LETM1: variants seen among roughly 807,000 people sequenced by gnomAD.
The protein encoded by LETM1 is leucine zipper and EF-hand containing transmembrane protein 1.
In LETM1, 50 loss-of-function variants were observed where a neutral mutation model predicts 74.5. The ratio of observed to expected loss-of-function variants is 0.67; its 90% confidence interval spans 0.53 to 0.85. The LOEUF (loss-of-function observed/expected upper bound fraction) is 0.85. LETM1 is among the 40% of genes least tolerant of loss of function. The probability of loss-of-function intolerance (pLI) is 0.00; values close to 1 mark genes in which losing one functional copy is unlikely to be tolerated. For missense variants in LETM1, 824 were observed against 967.8 expected, an observed-to-expected ratio of 0.85 and a Z score of 1.97; for synonymous variants, 446 against 407.1, an observed-to-expected ratio of 1.10 and a Z score of -1.15.
In LETM1 at chr4:1,826,778, T is replaced by A. The variant is rs533083591; in HGVS notation, c.1081-1095A>T. On this transcript the variant is annotated intron_variant, in intron 6 of 13. Coordinates refer to ENST00000302787, the MANE Select transcript of LETM1 (RefSeq NM_012318.3). ...TCTGTCTGCTTTCTTCTCCCTGTCC[T>A]CCTGGGGGCTGGCTGGCCTCCGTTT... Among the ~76,000 whole-genome samples the A allele has an allele frequency of 2.0e-5, 3 of 152,400 alleles. No individual in the cohort carries two copies. The South Asian group carries it at 6.2e-4, about 32-fold the overall frequency.
chr4:1,838,639 C>T (rs2108849901), intron 3 of LETM1, among the ~76,000 whole-genome samples: 1 of 152,298 alleles, frequency 6.6e-6, no homozygotes, highest in South Asian at 2.1e-4. Flanking sequence ...GAGGTTGCAA[C>T]TGCACTCCAG....
rs773008845 is a variant in LETM1 at position 1,825,587 on chromosome 4, G to A, written c.1177C>T (p.Arg393Cys). 6 of 1,613,340 alleles carry A rather than the reference G, an allele frequency of 3.7e-6. No individual in the cohort carries two copies. The highest frequency in any genetic ancestry group is 1.3e-5 in the African/African-American group (1 of 74,930). Residue 393 changes from arginine to cysteine, a missense_variant, in exon 7 of 14, where the codon CGC (arginine) becomes TGC (cysteine). Coordinates refer to ENST00000302787, the MANE Select transcript of LETM1 (RefSeq NM_012318.3). The stretch of plus-strand genomic sequence containing the variant: ...ACCTGCTTCAGCTGACCCCTCAGGC[G>A]GTCTTCCGTGACGCCCAGGGCCCGC... ...GMRALGVTED[R>C]LRGQLKQWLD...
intron 1 of LETM1, 118 bp downstream of exon 1, chr4:1,855,751 A>C: frequency 3.4e-6 from 2 of 580,658 alleles, no homozygotes; most frequent in Non-Finnish European, 4.9e-6. Flanking sequence ...GGGGCTCCGG[A>C]GGCCGGGACC....
chr4:1,855,578 C>G (rs1713212715), intron 1 of LETM1, among the ~76,000 whole-genome samples: 1 of 152,266 alleles, frequency 6.6e-6, no homozygotes, highest in Non-Finnish European at 1.5e-5. Flanking sequence ...TCGCGCAGGG[C>G]GCGCCAGGGC....
intron 11 of LETM1, among the ~76,000 whole-genome samples, chr4:1,818,724 G>A (rs377521630): frequency 1.4e-4 from 21 of 152,244 alleles, no homozygotes; most frequent in African/African-American, 4.1e-4. Flanking sequence ...CCACTTTCAC[G>A]TAATCATGAA....
chr4:1,851,317 G>A (rs1373325084), intron 1 of LETM1, among the ~76,000 whole-genome samples: 1 of 152,198 alleles, frequency 6.6e-6, no homozygotes, highest in African/African-American at 2.4e-5. Context: ...CAGCCAGGGA[G>A]CAGCAAGTGC....
intron 6 of LETM1, among the ~76,000 whole-genome samples, chr4:1,828,513 C>CT (rs1202278663): frequency 3.1e-5 from 4 of 127,936 alleles, no homozygotes; most frequent in Admixed American, 1.4e-4. Flanking sequence ...GGCTGACCCC[C>CT]CCCCCCACCT....
intron 8 of LETM1, 69 bp from the exon 9 acceptor site, chr4:1,823,200 G>A (rs1355499694): frequency 3.4e-6 from 5 of 1,480,138 alleles, no homozygotes; most frequent in Non-Finnish European, 9.1e-7. Context: ...CCTCACCTCT[G>A]TCCTGTGTCC....
chr4:1,838,195 GTTCAAGTGATTCTCCT>G (rs1175427870), intron 3 of LETM1, among the ~76,000 whole-genome samples: 1 of 151,846 alleles, frequency 6.6e-6, no homozygotes, highest in South Asian at 2.1e-4. Context: ...TGCCTCCCGA[GTTCAAGTGATTCTCCT>G]GCCTCAGCCT....
chr4:1,815,612 C>CCCACT, intron 13 of LETM1, 52 bp downstream of exon 13: 1 of 1,603,576 alleles, frequency 6.2e-7, no homozygotes, highest in Non-Finnish European at 8.5e-7. Context: ...CCTGCCCCAC[C>CCCACT]CCACTCCAGA....
intron 7 of LETM1, 116 bp from the exon 8 acceptor site, chr4:1,823,891 T>G: frequency 8.3e-7 from 1 of 1,203,440 alleles, no homozygotes; most frequent in Non-Finnish European, 1.1e-6. Context: ...TCTCAAGTTC[T>G]ACAAGGTCTG....
chr4:1,819,698 G>T (rs779892054), intron 10 of LETM1, among the ~76,000 whole-genome samples: 3 of 152,160 alleles, frequency 2.0e-5, no homozygotes, highest in Non-Finnish European at 4.4e-5. Context: ...TGTTTAAAGC[G>T]CGTCATCTAT....
intron 6 of LETM1, among the ~76,000 whole-genome samples, chr4:1,825,966 CCTG>C (rs1443886656): frequency 6.6e-6 from 1 of 152,088 alleles, no homozygotes; most frequent in Non-Finnish European, 1.5e-5. Context: ...ACTCCTGCCA[CCTG>C]CTGTTTCTCC....
At chr4:1,850,429 G>A (rs577113342) in intron 1 of LETM1, among the ~76,000 whole-genome samples, 1 of 152,226 alleles carries the variant, frequency 6.6e-6, no homozygotes, top group South Asian at 2.1e-4. Flanking sequence ...ACTTCAGCTG[G>A]CTCTGGTGGA....
Position 1,832,858 on chromosome 4 carries a change from T to C in LETM1, c.966A>G (p.Thr322=). 1 of 1,613,978 alleles carries C rather than the reference T, an allele frequency of 6.2e-7. No homozygotes were observed. The highest frequency in any genetic ancestry group is 8.5e-7 in the Non-Finnish European group (1 of 1,180,028). ...FEDELTLDNL[T]RPQLVALCKL... is the part of the protein sequence containing the mutation. Reference sequence around the variant, plus strand: ...TGCACAGGGCCACCAGCTGCGGCCGTGTCAGGTTGTCCAGGGTCAGCTCAT... The same window carrying C: ...TGCACAGGGCCACCAGCTGCGGCCGCGTCAGGTTGTCCAGGGTCAGCTCAT... Residue 322 remains threonine, a synonymous_variant, in exon 6 of 14, where the codon ACA becomes ACG. Coordinates refer to ENST00000302787, the MANE Select transcript of LETM1 (RefSeq NM_012318.3).
At chr4:1,831,915 A>G (rs547434180) in intron 6 of LETM1, among the ~76,000 whole-genome samples, 1 of 152,262 alleles carries the variant, frequency 6.6e-6, no homozygotes, top group Admixed American at 6.5e-5. Context: ...AGAGTAATCA[A>G]TGTGAACTAG....
chr4:1,825,856 C>G (rs1038902990), intron 6 of LETM1, among the ~76,000 whole-genome samples, 173 bp from the exon 7 acceptor site: 5 of 152,118 alleles, frequency 3.3e-5, no homozygotes, highest in African/African-American at 9.7e-5. Flanking sequence ...GACGGAGGGT[C>G]AGGATCTTGG....
chr4:1,832,998 C>G, intron 5 of LETM1, 51 bp from the exon 6 acceptor site: 1 of 1,563,918 alleles, frequency 6.4e-7, no homozygotes, highest in Non-Finnish European at 8.8e-7. Context: ...CCACCCGGCT[C>G]CCTCCCACGA....
chr4:1,855,904 C>T lies in LETM1; in HGVS notation c.47G>A (p.Arg16His). 1.6e-6 allele frequency: 2 copies of T among 1,238,730 alleles called. No individual in the cohort carries two copies. The highest frequency in any genetic ancestry group is 1.0e-6 in the Non-Finnish European group (1 of 993,982). The allele number at this position is 1,238,730 out of a possible 1,614,324, so 76.7% of individuals were successfully genotyped here. Reference sequence around the variant, plus strand: ...GGTGTACCGAGGCGGCGGCGGGAGGCGGGCGGGCGCCCGGCCGCGGCAGCT... The same window carrying T: ...GGTGTACCGAGGCGGCGGCGGGAGGTGGGCGGGCGCCCGGCCGCGGCAGCT... The part of the protein sequence containing the change: ...LRSCRGRAPA[R>H]LPPPPRYTVP... Residue 16 changes from arginine to histidine, a missense_variant, in exon 1 of 14, where the codon CGC becomes CAC. Arg to His is a conservative substitution (Grantham distance 29). Around this residue, in one of 4 missense-constraint regions of LETM1, gnomAD observed 222 missense variants for 195.6 expected, o/e 1.14. Transcript: ENST00000302787.
Sources: gnomAD v4.1 joint callset for allele counts (sites outside exome capture counted in the v4.1 genomes callset) on GRCh38, gnomAD v4.1.1 for gene constraint, gnomAD v4.1.1 regional missense constraint, MANE v1.5 for transcripts, NCBI Gene and HGNC (gene_info 2026-07-23, HGNC 2026-07-21) for gene names.